EVC: variants seen among roughly 807,000 people sequenced by gnomAD.
EVC encodes evC complex member EVC.
A neutral mutation model predicts 118.9 loss-of-function variants in EVC; 116 were observed. The observed-to-expected ratio is 0.98, with a 90% CI of 0.84 to 1.14. The LOEUF (loss-of-function observed/expected upper bound fraction) is 1.14, where lower values mean the gene tolerates loss of function less well. Among genes scored for constraint, EVC ranks in the 50% most tolerant of loss-of-function variants. The probability of loss-of-function intolerance (pLI) is 0.00; values close to 1 mark genes in which losing one functional copy is unlikely to be tolerated. For synonymous variants in EVC, 619 were observed against 534.7 expected (o/e 1.16, Z -2.18); for missense variants, 1,401 against 1,246.4 (o/e 1.12, Z -1.87).
chr4:5,744,373 C>T (rs1729047479), intron 6 of EVC, among the ~76,000 whole-genome samples: 3 of 152,154 alleles, frequency 2.0e-5, no homozygotes, highest in Non-Finnish European at 4.4e-5. Context: ...CCTAGTGAAC[C>T]TTGACCCATG....
intron 12 of EVC, 42 bp from the exon 13 acceptor site, chr4:5,793,566 G>T (rs768735514): frequency 6.7e-7 from 1 of 1,488,290 alleles, no homozygotes; most frequent in South Asian, 1.2e-5. Flanking sequence ...TTGTTGAAGT[G>T]AGTAACCACA....
intron 5 of EVC, among the ~76,000 whole-genome samples, chr4:5,739,662 C>T (rs1728220683): frequency 6.6e-6 from 1 of 152,164 alleles, no homozygotes; most frequent in Non-Finnish European, 1.5e-5. Context: ...TGGCATATGC[C>T]ACAACCGCAG....
Position 5,793,706 on chromosome 4 carries a change from C to A in EVC, c.1875C>A (p.Gly625=). 6.5e-7 allele frequency: 1 copy of A among 1,550,226 alleles called. No individual in the cohort carries two copies. Among genetic ancestry groups the A allele is most frequent in the Non-Finnish European group, 8.7e-7 (1 of 1,147,080 alleles). Residue 625 remains glycine (G), a synonymous_variant, in exon 13 of 21, where the codon GGC becomes GGA. Transcript: ENST00000264956. ...TIRGVLGRLG[G]LTEESTRCVL... is the part of the protein sequence containing the mutation. ...GCGGCGTCTTGGGCCGACTGGGCGG[C>A]CTCACTGAAGAGTGAGTACAGCTCC...
At chr4:5,821,507 T>G in the EVC span, 4 of 528,036 alleles carry the variant, frequency 7.6e-6, no homozygotes, top group Admixed American at 3.1e-5. The surrounding 1 kb of genome is among the most constrained non-coding windows in gnomAD (Gnocchi z 4.4). Flanking sequence ...TGTGGTTCAC[T>G]AGGAAGGGGG....
chr4:5,721,792 A>C (rs1352810035), intron 2 of EVC, among the ~76,000 whole-genome samples: 1 of 152,170 alleles, frequency 6.6e-6, no homozygotes, highest in African/African-American at 2.4e-5. Flanking sequence ...GCTTGAACCC[A>C]GGAGGCGGAG....
intron 19 of EVC, 150 bp from the exon 20 acceptor site, chr4:5,810,189 T>C (rs1577670385): frequency 5.6e-6 from 4 of 712,076 alleles, no homozygotes; most frequent in Non-Finnish European, 1.0e-5. Flanking sequence ...TCCTCATTAG[T>C]TGAGTGGCTG....
intron 11 of EVC, among the ~76,000 whole-genome samples, chr4:5,761,968 T>A (rs1377072105): frequency 2.0e-5 from 3 of 151,348 alleles, no homozygotes; most frequent in Non-Finnish European, 4.4e-5. Flanking sequence ...TAGTTACATA[T>A]GTATACCTGT....
In EVC at chr4:5,783,577, C is replaced by G. The variant is rs1735956373; in HGVS notation, c.1589C>G (p.Thr530Ser). 6.2e-7 allele frequency: 1 copy of G among 1,614,162 alleles called. No homozygotes were observed. The highest frequency in any genetic ancestry group is 1.3e-5 in the African/African-American group (1 of 75,040). ...CQELYFSTVD[T>S]FQKFVDALFL... ...GAGCTGTACTTCAGCACCGTGGACA[C>G]TTTCCAGAAGTTCGTGGATGCCCTG... The change falls in exon 12 of 21, where the codon ACT becomes AGT. Residue 530 changes from threonine (T) to serine (S), a missense_variant. Transcript: ENST00000264956.
In EVC at chr4:5,808,198, C is replaced by T. The variant is rs375960614; in HGVS notation, c.2562-3C>T. On this transcript the variant is annotated splice_polypyrimidine_tract_variant and splice_region_variant and intron_variant, in intron 17 of 20. Transcript: ENST00000264956. The stretch of plus-strand genomic sequence containing the variant: ...GCCAGCCTGCCTGCCTTCCTCCCCC[C>T]AGGATGCTGTCCCAGCAGAAGAGGT... The T allele has an allele frequency of 2.2e-4, 355 of 1,601,576 alleles. 2 individuals carry two copies. Among genetic ancestry groups the T allele is most frequent in the South Asian group, 1.4e-3 (131 of 90,654 alleles).
In EVC at chr4:5,804,230, G is replaced by T. The variant is rs534459843; in HGVS notation, c.2450-500G>T. Among the ~76,000 whole-genome samples, 10 of 152,208 alleles carry T rather than the reference G, an allele frequency of 6.6e-5. No homozygotes were observed. The South Asian group carries it at 2.1e-3, about 32-fold the overall frequency. ...TGGGATTACAAGCGTGAGCCACCTC[G>T]CCCGGCCTCACTTTACTTTTAAAGC... On this transcript the variant is annotated intron_variant, in intron 16 of 20. Transcript: ENST00000264956.
Position 5,753,960 on chromosome 4 carries a change from A to G in EVC, c.1464+27A>G, listed in dbSNP as rs758314449. The G allele has an allele frequency of 2.5e-6, 4 of 1,612,046 alleles. No individual in the cohort carries two copies. The African/African-American group carries it at 5.3e-5, about 22-fold the overall frequency. ...TGACTCACATCCCCAGCCTCTGCAC[A>G]TGTGGGTGAGCCAGTTGTAGCTCTG... On this transcript the variant is annotated intron_variant, in intron 10 of 20. Coordinates refer to ENST00000264956, the MANE Select transcript of EVC (RefSeq NM_153717.3).
chr4:5,788,350 T>C (rs1712099738), intron 12 of EVC, among the ~76,000 whole-genome samples: 1 of 152,194 alleles, frequency 6.6e-6, no homozygotes, highest in South Asian at 2.1e-4. Flanking sequence ...GAGTCACTTC[T>C]GTGCTCACTC....
At chr4:5,781,208 G>A (rs1046013265) in intron 11 of EVC, among the ~76,000 whole-genome samples, 21 of 152,216 alleles carry the variant, frequency 1.4e-4, no homozygotes, top group Non-Finnish European at 2.1e-4. Flanking sequence ...CCTGGGCAGA[G>A]GGGAATGTGG....
chr4:5,739,661 C>T (rs1390957652), intron 5 of EVC, among the ~76,000 whole-genome samples: 4 of 152,166 alleles, frequency 2.6e-5, no homozygotes, highest in Non-Finnish European at 5.9e-5. Flanking sequence ...GTGGCATATG[C>T]CACAACCGCA....
At chr4:5,775,313 A>G (rs1734558734) in intron 11 of EVC, among the ~76,000 whole-genome samples, 1 of 152,182 alleles carries the variant, frequency 6.6e-6, no homozygotes, top group Non-Finnish European at 1.5e-5. Flanking sequence ...ATTGTAAAAC[A>G]TTTATGAAAC....
chr4:5,804,972 A>T, intron 17 of EVC, 131 bp downstream of exon 17: 1 of 783,342 alleles, frequency 1.3e-6, no homozygotes, highest in African/African-American at 1.7e-5. Flanking sequence ...GGCCTTCCTC[A>T]CCCGCTGCCT....
rs367793599 is a variant in EVC at position 5,760,760 on chromosome 4, C to G, written c.1563+4398C>G. The stretch of plus-strand genomic sequence containing the variant: ...AGAGGCAGGGTTTCACCACGTTGGT[C>G]AGGCTGGTCTCGAACTCCTGACCTC... On this transcript the variant is annotated intron_variant, in intron 11 of 20. Coordinates refer to ENST00000264956, the MANE Select transcript of EVC (RefSeq NM_153717.3). Among the ~76,000 whole-genome samples the G allele has an allele frequency of 1.5e-3, 228 of 152,246 alleles. 3 individuals are homozygous for G. The highest frequency in any genetic ancestry group is 4.7e-3 in the African/African-American group (193 of 41,494).
intron 5 of EVC, 112 bp downstream of exon 5, chr4:5,733,547 C>T (rs190404467): frequency 2.1e-6 from 2 of 959,254 alleles, no homozygotes; most frequent in East Asian, 4.9e-5. Context: ...TCAGTGGAAA[C>T]AGAGCCGCTG....
chr4:5,775,061 C>T (rs1045871520), intron 11 of EVC, among the ~76,000 whole-genome samples: 1 of 152,038 alleles, frequency 6.6e-6, no homozygotes, highest in Non-Finnish European at 1.5e-5. Flanking sequence ...TTACAAATCC[C>T]GCATATTTTT....
Sources: gnomAD v4.1 joint callset for allele counts (sites outside exome capture counted in the v4.1 genomes callset) on GRCh38, gnomAD v4.1.1 for gene constraint, Gnocchi (gnomAD v3.1) non-coding constraint, MANE v1.5 for transcripts, NCBI Gene and HGNC (gene_info 2026-07-23, HGNC 2026-07-21) for gene names.